KCNQ2: variants seen among roughly 807,000 people sequenced by gnomAD.
KCNQ2 encodes the protein potassium voltage-gated channel subfamily Q member 2.
KCNQ2 carries 14 observed loss-of-function variants against 84.8 expected under a neutral mutation model. The observed-to-expected ratio is 0.17, with a 90% CI of 0.11 to 0.26. The LOEUF is 0.26. Ranked by LOEUF, KCNQ2 falls within the 10% of genes least tolerant of loss-of-function variation. The pLI is 1.00. For missense variants in KCNQ2, 788 were observed against 1,254.0 expected, an observed-to-expected ratio of 0.63 and a Z score of 5.61; for synonymous variants, 599 against 554.1, an observed-to-expected ratio of 1.08 and a Z score of -1.14.
At chr20:63,454,874 G>A (rs1399980602) in intron 1 of KCNQ2, among the ~76,000 whole-genome samples, 6 of 152,240 alleles carry the variant, frequency 3.9e-5, no homozygotes, top group African/African-American at 1.4e-4. Context: ...CACTCCCTGA[G>A]GGCCAGCTGC....
chr20:63,419,895 T>C (rs959969696), intron 11 of KCNQ2, among the ~76,000 whole-genome samples: 1 of 152,018 alleles, frequency 6.6e-6, no homozygotes, highest in Admixed American at 6.6e-5. Flanking sequence ...GTTTTTTTTT[T>C]CCTCCAAAAA....
intron 4 of KCNQ2, among the ~76,000 whole-genome samples, chr20:63,442,863 T>A (rs111220232): frequency 5.2e-5 from 1 of 19,312 alleles, no homozygotes; most frequent in Non-Finnish European, 9.0e-5. Flanking sequence ...ACCACCACCA[T>A]CACCATCACC....
intron 9 of KCNQ2, among the ~76,000 whole-genome samples, chr20:63,430,206 T>C (rs1653440641): frequency 6.6e-6 from 1 of 151,964 alleles, no homozygotes; most frequent in Non-Finnish European, 1.5e-5. Flanking sequence ...AGGACGGAGC[T>C]GTGGGACGAG....
intron 11 of KCNQ2, 147 bp from the exon 12 acceptor site, chr20:63,419,819 G>A (rs1364479611): frequency 2.8e-6 from 2 of 712,256 alleles, no homozygotes; most frequent in South Asian, 3.0e-5. Context: ...AGCGAGGAAG[G>A]TGCACCATCG....
Position 63,444,819 on chromosome 20 carries a change from A to G in KCNQ2, c.530T>C (p.Ile177Thr). ...PFCVIDIMVLIASIAVLAAGS... is the reference protein window; with the variant it reads ...PFCVIDIMVLTASIAVLAAGS... ...GGCGGCCAGCACCGCAATGGAGGCG[A>G]TGAGCACCATGATGTCTACAAAGCG... Residue 177 changes from isoleucine to threonine, a missense_variant, in exon 4 of 17, where the codon ATC (isoleucine) becomes ACC (threonine). Ile to Thr is a moderately conservative substitution (Grantham distance 89). Transcript: ENST00000359125. 1 of 1,601,306 alleles carries G rather than the reference A, an allele frequency of 6.2e-7. No homozygotes were observed. The highest frequency in any genetic ancestry group is 8.5e-7 in the Non-Finnish European group (1 of 1,172,754).
At chr20:63,435,719 G>C (rs551854702) in intron 7 of KCNQ2, among the ~76,000 whole-genome samples, 11 of 152,340 alleles carry the variant, frequency 7.2e-5, no homozygotes, top group African/African-American at 2.2e-4. Flanking sequence ...GCTCTAGGAA[G>C]AACACTGGCC....
intron 1 of KCNQ2, among the ~76,000 whole-genome samples, chr20:63,454,467 C>T (rs1449848256): frequency 6.6e-6 from 1 of 152,248 alleles, no homozygotes; most frequent in Non-Finnish European, 1.5e-5. Flanking sequence ...CTGGGCCCGT[C>T]TGGGGGACGC....
rs891905434 is a variant in KCNQ2 at position 63,402,897 on chromosome 20, T to C, written c.*3747A>G. The C allele has an allele frequency of 6.6e-6, 1 of 152,280 alleles. No homozygotes were observed. The highest frequency in any genetic ancestry group is 1.5e-5 in the Non-Finnish European group (1 of 68,096). The allele number at this position is 152,280 out of a possible 1,614,324, so 9.4% of individuals were successfully genotyped here. ...GCATGGGAGGAGCCCTCCCCCAGCG[T>C]GTCCCAGCCGTGGTGGCAGCTGGAA... On this transcript the variant is annotated 3_prime_UTR_variant, in exon 17 of 17. Transcript: ENST00000359125.
chr20:63,406,380 T>G lies in KCNQ2; in HGVS notation c.*264A>C. On this transcript the variant is annotated 3_prime_UTR_variant, in exon 17 of 17. Transcript: ENST00000359125. ...ATGTCGGCCGCGGCCCTGAGCAGAGTGGACAGGGCAGCCTTGCTCCTGCAC... is the reference window on the plus strand; with the variant it reads ...ATGTCGGCCGCGGCCCTGAGCAGAGGGGACAGGGCAGCCTTGCTCCTGCAC... 2 of 493,550 alleles carry G rather than the reference T, an allele frequency of 4.1e-6. No homozygotes were observed. The highest frequency in any genetic ancestry group is 3.4e-5 in the East Asian group (1 of 29,326). 30.6% of individuals were successfully genotyped at this position (493,550 alleles called of 1,614,324 possible).
chr20:63,446,971 G>A lies in KCNQ2; in HGVS notation c.297-134C>T. 3.8e-6 allele frequency: 3 copies of A among 791,796 alleles called. No individual in the cohort carries two copies. Among genetic ancestry groups the A allele is most frequent in the South Asian group, 1.5e-5 (1 of 68,192 alleles). 49.0% of individuals were successfully genotyped at this position (791,796 alleles called of 1,614,324 possible). On this transcript the variant is annotated intron_variant, in intron 1 of 16. Transcript: ENST00000359125. The surrounding 1 kb of genome is among the most constrained non-coding windows in gnomAD (Gnocchi z 5.5). ...GCATGGCCGCGTCTCCAGAACGCAG[G>A]ACCCCACTCCCCACCCACCCCACCA...
intron 8 of KCNQ2, 144 bp downstream of exon 8, chr20:63,433,665 C>T (rs2080895971): frequency 6.7e-7 from 1 of 1,497,274 alleles, no homozygotes; most frequent in Non-Finnish European, 9.2e-7. Flanking sequence ...TCGAAATAAA[C>T]CACACACAGA....
chr20:63,446,691 GGC>G lies in KCNQ2; in HGVS notation c.387+54_387+55del. 1 of 1,434,900 alleles carries G rather than the reference GGC, an allele frequency of 7.0e-7. No homozygotes were observed. Among genetic ancestry groups the G allele is most frequent in the Non-Finnish European group, 9.8e-7 (1 of 1,017,910 alleles). 88.9% of individuals were successfully genotyped at this position (1,434,900 alleles called of 1,614,324 possible). ...AACAGGAACGGAAGACAGACGCCCA[GGC>G]AGCTCCAGCTCCTTCCTGGGCACTT... On this transcript the variant is annotated intron_variant, in intron 2 of 16. Transcript: ENST00000359125. This position sits in a 1 kb window ranked among gnomAD's most constrained non-coding sequence, Gnocchi z 5.5.
At chr20:63,423,752 C>T (rs3787121) in intron 11 of KCNQ2, 24,499 of 221,398 alleles carry the variant, frequency 0.11, 1,769 homozygotes, top group Non-Finnish European at 0.15. Context: ...CCCAGAGCAG[C>T]GGGAAGGCCA....
chr20:63,464,181 C>T (rs923948302), intron 1 of KCNQ2, among the ~76,000 whole-genome samples: 9 of 152,142 alleles, frequency 5.9e-5, no homozygotes, highest in Admixed American at 1.3e-4. Flanking sequence ...CACCACTCCC[C>T]CTGCGAGAGG....
rs1200454768 is a variant in KCNQ2, at chr20:63,401,228, C to G, written c.*5416G>C. Reference sequence around the variant, plus strand: ...CCCCTCCATCCCAAATGGTCCCCTCCCGTCTCTCCTCCTCCACCGTTGCCC... The same window carrying G: ...CCCCTCCATCCCAAATGGTCCCCTCGCGTCTCTCCTCCTCCACCGTTGCCC... On this transcript the variant is annotated 3_prime_UTR_variant, in exon 17 of 17. Transcript: ENST00000359125. The G allele has an allele frequency of 4.9e-6, 1 of 204,258 alleles. No individual in the cohort carries two copies. Among genetic ancestry groups the G allele is most frequent in the Non-Finnish European group, 9.7e-6 (1 of 102,824 alleles). 12.7% of individuals were successfully genotyped at this position (204,258 alleles called of 1,614,324 possible).
At chr20:63,431,944 T>A (rs371980391) in intron 8 of KCNQ2, among the ~76,000 whole-genome samples, 47 of 43,222 alleles carry the variant, frequency 1.1e-3, no homozygotes, top group African/African-American at 2.0e-3. Flanking sequence ...GGCTCCACCC[T>A]CAGGGTAGGA....
At chr20:63,455,110 G>T (rs1023960379) in intron 1 of KCNQ2, among the ~76,000 whole-genome samples, 3 of 152,194 alleles carry the variant, frequency 2.0e-5, no homozygotes, top group African/African-American at 7.2e-5. Flanking sequence ...GATGAGGGGA[G>T]GACGGCGGGA....
rs2079786639 is a variant in KCNQ2 at position 63,400,487 on chromosome 20, A to G, written c.*6157T>C. On this transcript the variant is annotated 3_prime_UTR_variant, in exon 17 of 17. Coordinates refer to ENST00000359125, the MANE Select transcript of KCNQ2 (RefSeq NM_172107.4). The surrounding 1 kb of genome is among the most constrained non-coding windows in gnomAD (Gnocchi z 8.7). Reference sequence around the variant, plus strand: ...TGGACGGTGCACAAAGTTGAGATTGAAGTGTGCGGGGTAACACATCCACCA... The same window carrying G: ...TGGACGGTGCACAAAGTTGAGATTGGAGTGTGCGGGGTAACACATCCACCA... 7.5e-6 allele frequency: 3 copies of G among 397,578 alleles called. 1 individual carries two copies. In the East Asian group the frequency reaches 1.1e-4, roughly 14 times the overall value. 24.6% of individuals were successfully genotyped at this position (397,578 alleles called of 1,614,324 possible).
intron 15 of KCNQ2, chr20:63,413,221 G>A (rs895008776): frequency 2.1e-5 from 12 of 575,228 alleles, no homozygotes; most frequent in African/African-American, 1.7e-4. Context: ...ACACACACAG[G>A]TGCACGCACT....
Sources: allele counts gnomAD v4.1 joint callset (sites outside exome capture counted in the v4.1 genomes callset), GRCh38; gene constraint gnomAD v4.1.1; non-coding constraint Gnocchi (gnomAD v3.1); transcripts MANE v1.5; gene names NCBI Gene and HGNC (gene_info 2026-07-23, HGNC 2026-07-21).